The following SLCO1B3 variants were observed in gnomAD, a reference collection of about 807,000 sequenced individuals.
SLCO1B3 encodes the protein liver-specific organic anion transporter 2.
Under a neutral mutation model 71.8 loss-of-function variants are expected in SLCO1B3, and 72 were observed. The observed-to-expected ratio is 1.00, with a 90% confidence interval of 0.83 to 1.22. The LOEUF (loss-of-function observed/expected upper bound fraction) is 1.22, where lower values mean the gene tolerates loss of function less well. Among genes scored for constraint, SLCO1B3 ranks in the 50% most tolerant of loss-of-function variants. The pLI, the probability that SLCO1B3 is intolerant of heterozygous loss-of-function variation, is 0.00. For missense variants in SLCO1B3, 911 were observed against 819.7 expected, an observed-to-expected ratio of 1.11 and a Z score of -1.36; for synonymous variants, 298 against 278.4, an observed-to-expected ratio of 1.07 and a Z score of -0.70.
intron 12 of SLCO1B3, among the ~76,000 whole-genome samples, chr12:20,881,949 G>T (rs1305219176): frequency 1.3e-5 from 2 of 152,130 alleles, no homozygotes; most frequent in Non-Finnish European, 2.9e-5. Context: ...TAAACGGCAT[G>T]GAGAAATTTG....
chr12:20,885,205 A>G (rs933339106), intron 13 of SLCO1B3, among the ~76,000 whole-genome samples: 1 of 152,118 alleles, frequency 6.6e-6, no homozygotes. Context: ...CTTTGAAGAA[A>G]AGTTTTCTGA....
At chr12:20,864,141 T>C (rs2121258629) in intron 8 of SLCO1B3, among the ~76,000 whole-genome samples, 1 of 152,308 alleles carries the variant, frequency 6.6e-6, no homozygotes, top group South Asian at 2.1e-4. Flanking sequence ...TTCTCTCTTT[T>C]TTATTTTTAT....
chr12:20,817,622 C>T (rs11836444), intron 3 of SLCO1B3, among the ~76,000 whole-genome samples: 41,945 of 151,850 alleles, frequency 0.28, 5,923 homozygotes, highest in African/African-American at 0.31. Context: ...GAGTCTCGCT[C>T]TGTCACCCAG....
intron 3 of SLCO1B3, 51 bp from the exon 4 acceptor site, chr12:20,854,974 CATT>C: frequency 2.7e-6 from 4 of 1,502,308 alleles, no homozygotes; most frequent in Non-Finnish European, 3.7e-6. Flanking sequence ...TACCTATAAA[CATT>C]ATATAGTTCT....
At chr12:20,847,651 C>T (rs1431346487) in intron 3 of SLCO1B3, among the ~76,000 whole-genome samples, 2 of 151,838 alleles carry the variant, frequency 1.3e-5, no homozygotes, top group African/African-American at 4.8e-5. Flanking sequence ...ACAGAATCAT[C>T]GAATTTTAAG....
chr12:20,901,457 G>A lies in SLCO1B3; in HGVS notation c.1855G>A (p.Val619Ile), dbSNP rs202234562. The A allele has an allele frequency of 6.4e-4, 968 of 1,517,582 alleles. 2 individuals are homozygous for A. The highest frequency in any genetic ancestry group is 6.3e-4 in the Non-Finnish European group (707 of 1,130,578). 94.0% of individuals were successfully genotyped at this position (1,517,582 alleles called of 1,614,324 possible). A position where few individuals can be genotyped will look rare whatever the true frequency, so the allele number is the denominator to read the frequency against. ...AQGACRIYNS[V>I]FFGRVYLGLS... Reference sequence around the variant, plus strand: ...AGGGGCTTGTAGGATATATAATTCCGTATTTTTTGGGTAAGTTGTCGTAAA... The same window carrying A: ...AGGGGCTTGTAGGATATATAATTCCATATTTTTTGGGTAAGTTGTCGTAAA... The change falls in exon 15 of 16, where the codon GTA (valine) becomes ATA (isoleucine). Residue 619 changes from valine (V) to isoleucine (I), a missense_variant. Transcript: ENST00000381545.
intron 14 of SLCO1B3, among the ~76,000 whole-genome samples, chr12:20,900,190 G>C (rs1866099054): frequency 6.6e-6 from 1 of 152,004 alleles, no homozygotes; most frequent in Non-Finnish European, 1.5e-5. Flanking sequence ...CATTATCTCA[G>C]TACCAGTTTG....
chr12:20,856,568 T>A (rs1805283641), intron 4 of SLCO1B3, among the ~76,000 whole-genome samples: 1 of 152,138 alleles, frequency 6.6e-6, no homozygotes, highest in Non-Finnish European at 1.5e-5. Flanking sequence ...TGTTTGTTTG[T>A]TTTTGTTTTT....
intron 3 of SLCO1B3, among the ~76,000 whole-genome samples, chr12:20,841,986 G>C (rs977847681): frequency 4.0e-5 from 6 of 151,302 alleles, no homozygotes; most frequent in African/African-American, 1.5e-4. Flanking sequence ...CCAGTTTCAA[G>C]TGAGGTTCAA....
chr12:20,899,890 C>T (rs893056509), intron 14 of SLCO1B3, among the ~76,000 whole-genome samples: 1 of 152,184 alleles, frequency 6.6e-6, no homozygotes, highest in Non-Finnish European at 1.5e-5. Flanking sequence ...CTGTGGGAAA[C>T]ATCCACACTT....
chr12:20,853,962 G>T lies in SLCO1B3; in HGVS notation c.85-1066G>T, dbSNP rs901455990. Among the ~76,000 whole-genome samples the T allele has an allele frequency of 2.1e-5, 3 of 143,082 alleles. No individual in the cohort carries two copies. In the South Asian group the frequency reaches 6.5e-4, roughly 31 times the overall value. 93.9% of individuals were successfully genotyped at this position (143,082 alleles called of 152,430 possible). ...TATTAATTCTTGTTATTCCTCCTTT[G>T]ACCCATTGGTTGTGTAAGAAAGAAT... On this transcript the variant is annotated intron_variant, in intron 3 of 15. Transcript: ENST00000381545.
In SLCO1B3 at chr12:20,879,627, G is replaced by A. The variant is rs1012647925; in HGVS notation, c.1327G>A (p.Asp443Asn). The change falls in exon 11 of 16, where the codon GAT becomes AAT. Residue 443 changes from aspartate to asparagine, a missense_variant. Physicochemically the swap from Asp to Asn is conservative, Grantham distance 23 (BLOSUM62 1). Coordinates refer to ENST00000381545, the MANE Select transcript of SLCO1B3 (RefSeq NM_019844.4). ...KSVAGLTLTY[D>N]GNNSVASHVD... ...AGTTGCCGGCCTAACCTTGACCTAT[G>A]ATGGGTTTGTATATATTGCTATATA... 3.1e-6 allele frequency: 5 copies of A among 1,601,430 alleles called. No homozygotes were observed. Among genetic ancestry groups the A allele is most frequent in the Non-Finnish European group, 4.3e-6 (5 of 1,171,200 alleles).
intron 3 of SLCO1B3, among the ~76,000 whole-genome samples, chr12:20,821,323 G>A (rs774478703): frequency 4.6e-5 from 7 of 152,212 alleles, no homozygotes; most frequent in South Asian, 4.2e-4. Context: ...AACTACTGTC[G>A]AGTTTGTACT....
rs531495792 is a variant in SLCO1B3 at position 20,869,652 on chromosome 12, A to G, written c.728-5583A>G. ...TGGCAAAGTTTAACCACGTTATCACATATTGCAGGATGTCCTTTCTGTTTA... is the reference window on the plus strand; with the variant it reads ...TGGCAAAGTTTAACCACGTTATCACGTATTGCAGGATGTCCTTTCTGTTTA... On this transcript the variant is annotated intron_variant, in intron 8 of 15. Transcript: ENST00000381545. 1.4e-4 allele frequency among the ~76,000 whole-genome samples: 21 copies of G among 152,256 alleles called. No individual in the cohort carries two copies. In the South Asian group the frequency reaches 4.1e-3, roughly 30 times the overall value.
chr12:20,847,162 C>G (rs145271059), intron 3 of SLCO1B3, among the ~76,000 whole-genome samples: 2 of 152,104 alleles, frequency 1.3e-5, no homozygotes, highest in Non-Finnish European at 2.9e-5. Flanking sequence ...AGACCATAAG[C>G]TTTTACCTAA....
At chr12:20,891,493 A>T (rs963941044) in intron 13 of SLCO1B3, among the ~76,000 whole-genome samples, 1 of 152,048 alleles carries the variant, frequency 6.6e-6, no homozygotes, top group East Asian at 1.9e-4. Context: ...TGATGACTAT[A>T]TGTCTTGTGC....
intron 12 of SLCO1B3, among the ~76,000 whole-genome samples, chr12:20,882,444 C>T (rs1024684938): frequency 1.4e-4 from 21 of 152,128 alleles, no homozygotes; most frequent in African/African-American, 5.1e-4. Flanking sequence ...CACCCTGTCA[C>T]CCAGGCTGGA....
In SLCO1B3 at chr12:20,855,139, G is replaced by T; in HGVS notation, c.196G>T (p.Ala66Ser). 6.2e-7 allele frequency: 1 copy of T among 1,610,400 alleles called. No individual in the cohort carries two copies. ...ERRFDISSSLAGLIDGSFEIG... is the reference protein window; with the variant it reads ...ERRFDISSSLSGLIDGSFEIG... Reference sequence around the variant, plus strand: ...GAGATTTGACATATCCTCTTCTCTTGCTGGTTTAATTGATGGAAGCTTTGA... The same window carrying T: ...GAGATTTGACATATCCTCTTCTCTTTCTGGTTTAATTGATGGAAGCTTTGA... The change falls in exon 4 of 16, where the codon GCT (alanine) becomes TCT (serine). Residue 66 changes from alanine to serine, a missense_variant. Transcript: ENST00000381545.
intron 8 of SLCO1B3, among the ~76,000 whole-genome samples, chr12:20,869,933 C>T (rs6487168): frequency 0.72 from 110,140 of 151,994 alleles, 42,491 homozygotes; most frequent in South Asian, 0.9. Flanking sequence ...ACCAGGTGCA[C>T]GATTTTGCAT....
Sources: gnomAD v4.1 joint callset for allele counts (sites outside exome capture counted in the v4.1 genomes callset) on GRCh38, gnomAD v4.1.1 for gene constraint, MANE v1.5 for transcripts, NCBI Gene and HGNC (gene_info 2026-07-23, HGNC 2026-07-21) for gene names.